Variants in NKAIN3 observed in about 807,000 individuals in gnomAD.
The protein encoded by NKAIN3 is sodium/potassium transporting ATPase interacting 3, also known as sodium/potassium-transporting ATPase subunit beta-1-interacting protein 3.
A neutral mutation model predicts 30.2 loss-of-function variants in NKAIN3; 25 were observed. That is an observed-to-expected ratio of 0.83 (90% confidence interval 0.60 to 1.16). The LOEUF is 1.16. Among genes scored for constraint, NKAIN3 ranks in the 50% most tolerant of loss-of-function variants. The pLI is 0.00. For missense variants in NKAIN3, 225 were observed against 254.1 expected, an observed-to-expected ratio of 0.89 and a Z score of 0.78; for synonymous variants, 91 against 89.6, an observed-to-expected ratio of 1.02 and a Z score of -0.09.
At chr8:62,334,509 C>T (rs956031270) in intron 1 of NKAIN3, among the ~76,000 whole-genome samples, 1 of 152,104 alleles carries the variant, frequency 6.6e-6, no homozygotes, top group African/African-American at 2.4e-5. Context: ...TTGGTTGCAT[C>T]TGCAAAGACC....
intron 1 of NKAIN3, among the ~76,000 whole-genome samples, chr8:62,466,811 T>C (rs1293938198): frequency 1.3e-5 from 2 of 152,162 alleles, no homozygotes; most frequent in East Asian, 3.9e-4. Flanking sequence ...ACATCTCTAT[T>C]TCTCCCTTTT....
At chr8:62,516,709 G>A (rs1808004023) in intron 1 of NKAIN3, among the ~76,000 whole-genome samples, 1 of 152,004 alleles carries the variant, frequency 6.6e-6, no homozygotes, top group African/African-American at 2.4e-5. Flanking sequence ...CAAATTTTAT[G>A]GATTCTTGGC....
intron 1 of NKAIN3, among the ~76,000 whole-genome samples, chr8:62,526,135 A>G (rs932618426): frequency 6.6e-6 from 1 of 152,172 alleles, no homozygotes; most frequent in African/African-American, 2.4e-5. Flanking sequence ...CTATGGAATG[A>G]GAGAAGGGCT....
chr8:62,804,936 A>T (rs147477407), intron 4 of NKAIN3, among the ~76,000 whole-genome samples: 1 of 152,180 alleles, frequency 6.6e-6, no homozygotes, highest in African/African-American at 2.4e-5. Flanking sequence ...TTAAACTGAT[A>T]AGCAGCTTCA....
intron 1 of NKAIN3, among the ~76,000 whole-genome samples, chr8:62,331,488 A>G (rs1002386206): frequency 6.6e-5 from 10 of 152,180 alleles, no homozygotes; most frequent in Non-Finnish European, 8.8e-5. Flanking sequence ...AGTGTCTTGC[A>G]TAAAATAGAC....
At chr8:62,801,801 T>A (rs1181658722) in intron 4 of NKAIN3, among the ~76,000 whole-genome samples, 5 of 152,212 alleles carry the variant, frequency 3.3e-5, no homozygotes, top group African/African-American at 1.2e-4. Context: ...GAAGAAGGCT[T>A]CAGACAATCA....
chr8:62,685,953 T>C (rs1180124249), intron 3 of NKAIN3, among the ~76,000 whole-genome samples: 1 of 152,202 alleles, frequency 6.6e-6, no homozygotes, highest in African/African-American at 2.4e-5. Context: ...AAAGTTTTAA[T>C]AATTAGTTAC....
chr8:62,564,978 A>T (rs981595511), intron 1 of NKAIN3, among the ~76,000 whole-genome samples: 2 of 152,194 alleles, frequency 1.3e-5, no homozygotes, highest in Admixed American at 1.3e-4. Context: ...CTGTACACAT[A>T]CATGATTTAT....
chr8:62,415,045 A>C (rs1226951282), intron 1 of NKAIN3, among the ~76,000 whole-genome samples: 1 of 144,836 alleles, frequency 6.9e-6, no homozygotes, highest in African/African-American at 2.5e-5. Flanking sequence ...AATATTATAT[A>C]TATATATACT....
At chr8:62,802,269 C>T (rs1280642368) in intron 4 of NKAIN3, among the ~76,000 whole-genome samples, 22 of 152,178 alleles carry the variant, frequency 1.4e-4, no homozygotes, top group East Asian at 5.8e-4. Flanking sequence ...ATACAGAGAA[C>T]GCCACAAAGA....
intron 1 of NKAIN3, among the ~76,000 whole-genome samples, chr8:62,347,631 TA>T (rs1364599302): frequency 1.3e-5 from 2 of 152,060 alleles, no homozygotes; most frequent in Admixed American, 1.3e-4. Context: ...AAACAAGGAT[TA>T]AAAAATATGA....
At chr8:62,704,529 A>T (rs914895309) in intron 3 of NKAIN3, among the ~76,000 whole-genome samples, 1 of 152,140 alleles carries the variant, frequency 6.6e-6, no homozygotes, top group African/African-American at 2.4e-5. Flanking sequence ...TCTTAGTTGT[A>T]GGCTCATATG....
At chr8:62,832,150 A>G (rs946938073) in intron 4 of NKAIN3, among the ~76,000 whole-genome samples, 4 of 152,020 alleles carry the variant, frequency 2.6e-5, no homozygotes, top group African/African-American at 9.7e-5. Context: ...AATCTTTTCC[A>G]TAAAAGCCAT....
chr8:62,254,965 C>A (rs992316251), intron 1 of NKAIN3, among the ~76,000 whole-genome samples: 8 of 152,074 alleles, frequency 5.3e-5, no homozygotes, highest in African/African-American at 1.9e-4. Flanking sequence ...GAGTAAATAG[C>A]AGAACACTCT....
chr8:62,633,362 T>C (rs1812027530), intron 3 of NKAIN3, among the ~76,000 whole-genome samples: 1 of 152,206 alleles, frequency 6.6e-6, no homozygotes, highest in Admixed American at 6.5e-5. Context: ...GAATGCTTAC[T>C]ATCTCAGTAA....
intron 3 of NKAIN3, among the ~76,000 whole-genome samples, chr8:62,635,353 G>A (rs1812094215): frequency 6.6e-6 from 1 of 152,098 alleles, no homozygotes; most frequent in Admixed American, 6.5e-5. Flanking sequence ...ATGATAAAAG[G>A]CCTGATTTGT....
chr8:62,267,828 T>C (rs1218413948), intron 1 of NKAIN3, among the ~76,000 whole-genome samples: 1 of 152,226 alleles, frequency 6.6e-6, no homozygotes, highest in Non-Finnish European at 1.5e-5. Flanking sequence ...AACTGTTTAT[T>C]TCTGATCTGC....
chr8:62,477,809 T>C (rs1806570105), intron 1 of NKAIN3, among the ~76,000 whole-genome samples: 1 of 152,146 alleles, frequency 6.6e-6, no homozygotes, highest in Admixed American at 6.5e-5. Flanking sequence ...ATTGACATTC[T>C]GGGACCCAGA....
intron 4 of NKAIN3, among the ~76,000 whole-genome samples, chr8:62,813,600 C>A (rs150535139): frequency 6.6e-6 from 1 of 150,996 alleles, no homozygotes; most frequent in Non-Finnish European, 1.5e-5. Flanking sequence ...TGAGGACTTC[C>A]TTCTATTACT....
Sources: allele counts gnomAD v4.1 joint callset (sites outside exome capture counted in the v4.1 genomes callset), GRCh38; gene constraint gnomAD v4.1.1; transcripts MANE v1.5; gene names NCBI Gene and HGNC (gene_info 2026-07-23, HGNC 2026-07-21).